Variants in LGALS8 observed in about 807,000 individuals in gnomAD.
The protein encoded by LGALS8 is galectin 8.
A neutral mutation model predicts 35.9 loss-of-function variants in LGALS8; 30 were observed. That is an observed-to-expected ratio of 0.83 (90% CI 0.62 to 1.13). LGALS8 has a LOEUF of 1.13. Among genes scored for constraint, LGALS8 ranks in the 50% most tolerant of loss-of-function variants. The pLI is 0.00. For missense variants in LGALS8, 366 were observed against 388.7 expected (o/e 0.94, Z 0.49); for synonymous variants, 138 against 136.1 (o/e 1.01, Z -0.10).
At chr1:236,519,650 C>A (rs1338517260), upstream of LGALS8, among the ~76,000 whole-genome samples, 1 of 152,238 alleles carries the variant, frequency 6.6e-6, no homozygotes, top group Non-Finnish European at 1.5e-5. Context: ...GGATCATTCA[C>A]ATGAGTAAAG....
At chr1:236,532,182 C>T (rs1229921000) in intron 2 of LGALS8, among the ~76,000 whole-genome samples, 3 of 152,160 alleles carry the variant, frequency 2.0e-5, no homozygotes, top group African/African-American at 7.2e-5. Flanking sequence ...AGGAAATCCC[C>T]GTTACCAGTT....
chr1:236,548,457 T>A lies in LGALS8; in HGVS notation c.*296T>A. The stretch of plus-strand genomic sequence containing the variant: ...ACAAGTATTTATGGAGTACCTACTA[T>A]AATACAGTAGCTAACATGTATTGAG... On this transcript the variant is annotated 3_prime_UTR_variant, in exon 10 of 10. Coordinates refer to ENST00000366584, the MANE Select transcript of LGALS8 (RefSeq NM_201544.4). 1 of 381,512 alleles carries A rather than the reference T, an allele frequency of 2.6e-6. No individual in the cohort carries two copies. Among genetic ancestry groups the A allele is most frequent in the Non-Finnish European group, 4.8e-6 (1 of 209,694 alleles). The allele number at this position is 381,512 out of a possible 1,614,324, so 23.6% of individuals were successfully genotyped here.
chr1:236,547,939 A>C, intron 9 of LGALS8, 73 bp from the exon 10 acceptor site: 2 of 1,302,524 alleles, frequency 1.5e-6, no homozygotes, highest in Non-Finnish European at 2.2e-6. Flanking sequence ...TTACTCTGAC[A>C]CCGTTAGCAT....
chr1:236,544,087 C>T (rs1304063010), intron 8 of LGALS8, among the ~76,000 whole-genome samples: 1 of 152,064 alleles, frequency 6.6e-6, no homozygotes, highest in East Asian at 1.9e-4. Context: ...GCTGGGATTA[C>T]AGGCGCACCA....
intron 9 of LGALS8, 58 bp downstream of exon 9, chr1:236,544,973 G>A: frequency 1.5e-6 from 2 of 1,351,572 alleles, no homozygotes; most frequent in South Asian, 1.4e-5. Flanking sequence ...GCAGGGGTGG[G>A]ATAAGTGGTC....
Position 236,539,012 on chromosome 1 carries a change from G to C in LGALS8, c.268G>C (p.Glu90Gln). Reference sequence around the variant, plus strand: ...GATAAATGAAAAATGGGGACGGGAAGAGATCACCTATGACACGCCTTTCAA... The same window carrying C: ...GATAAATGAAAAATGGGGACGGGAACAGATCACCTATGACACGCCTTTCAA... Reference protein sequence around the residue: ...TLINEKWGREEITYDTPFKRE... With the variant: ...TLINEKWGREQITYDTPFKRE... Residue 90 changes from glutamate (E) to glutamine (Q), a missense_variant, in exon 4 of 10, where the codon GAG becomes CAG. Transcript: ENST00000366584. 1.2e-6 allele frequency: 2 copies of C among 1,614,224 alleles called. No individual in the cohort carries two copies. Among genetic ancestry groups the C allele is most frequent in the South Asian group, 2.2e-5 (2 of 91,084 alleles).
At chr1:236,535,688 G>GC (rs1661444857) in intron 2 of LGALS8, among the ~76,000 whole-genome samples, 1 of 152,174 alleles carries the variant, frequency 6.6e-6, no homozygotes, top group Admixed American at 6.5e-5. Context: ...TGCAGCTGTA[G>GC]CCCCAGTCTA....
At chr1:236,540,995 G>A (rs1481426622) in intron 5 of LGALS8, among the ~76,000 whole-genome samples, 1 of 152,190 alleles carries the variant, frequency 6.6e-6, no homozygotes, top group Admixed American at 6.5e-5. Context: ...GGCTGGGAGT[G>A]CCTGAGTCAA....
intron 9 of LGALS8, among the ~76,000 whole-genome samples, chr1:236,546,202 G>T (rs372410390): frequency 6.6e-6 from 1 of 152,210 alleles, no homozygotes; most frequent in East Asian, 1.9e-4. Flanking sequence ...TGCAGAGACA[G>T]TGAAAGGGAT....
At chr1:236,545,103 A>T (rs1230586131) in intron 9 of LGALS8, 188 bp downstream of exon 9, 2 of 467,264 alleles carry the variant, frequency 4.3e-6, no homozygotes, top group African/African-American at 3.9e-5. Context: ...AAGCCAGTAG[A>T]GTGTCAAATT....
In LGALS8 at chr1:236,549,177, C is replaced by A; in HGVS notation, c.*1016C>A. 1 of 393,486 alleles carries A rather than the reference C, an allele frequency of 2.5e-6. No individual in the cohort carries two copies. The highest frequency in any genetic ancestry group is 4.5e-6 in the Non-Finnish European group (1 of 223,268). The allele number at this position is 393,486 out of a possible 1,614,324, so 24.4% of individuals were successfully genotyped here. On this transcript the variant is annotated 3_prime_UTR_variant, in exon 10 of 10. Coordinates refer to ENST00000366584, the MANE Select transcript of LGALS8 (RefSeq NM_201544.4). ...GAAATCACCAATCAAGGCCTCCGTT[C>A]TTCTAAAGATTAGTCCATCATCATT...
chr1:236,520,959 C>A (rs1660532130), upstream of LGALS8, among the ~76,000 whole-genome samples: 1 of 152,174 alleles, frequency 6.6e-6, no homozygotes, highest in Non-Finnish European at 1.5e-5. Context: ...TTTCACTCAC[C>A]AGCAGCTTAA....
chr1:236,526,267 C>T lies in LGALS8; in HGVS notation c.45+152C>T, dbSNP rs1558154591. 3 of 544,490 alleles carry T rather than the reference C, an allele frequency of 5.5e-6. No individual in the cohort carries two copies. The highest frequency in any genetic ancestry group is 2.9e-5 in the East Asian group (1 of 34,828). 33.7% of individuals were successfully genotyped at this position (544,490 alleles called of 1,614,324 possible). On this transcript the variant is annotated intron_variant, in intron 2 of 9. Coordinates refer to ENST00000366584, the MANE Select transcript of LGALS8 (RefSeq NM_201544.4). The surrounding 1 kb of genome is among the most constrained non-coding windows in gnomAD (Gnocchi z 4.6). ...TAGAGATGGTGGTGGGTGCTGATTA[C>T]AAAACAGCTCTTGTCCTCTAGTGGA...
chr1:236,543,210 G>GT (rs1160154779), intron 7 of LGALS8: 10 of 656,804 alleles, frequency 1.5e-5, no homozygotes, highest in South Asian at 1.5e-4. Flanking sequence ...CCATTCCTGT[G>GT]TATTTCCTCA....
At chr1:236,546,467 G>A (rs1316449657) in intron 9 of LGALS8, among the ~76,000 whole-genome samples, 1 of 151,982 alleles carries the variant, frequency 6.6e-6, no homozygotes, top group Admixed American at 6.6e-5. Flanking sequence ...CACTTTAGTT[G>A]TATCTACAGT....
intron 6 of LGALS8, chr1:236,542,496 T>C (rs763856604): frequency 1.9e-6 from 1 of 519,510 alleles, no homozygotes; most frequent in South Asian, 2.6e-5. Context: ...AAATTTCATA[T>C]AGTTCTATGA....
rs77856957 is a variant in LGALS8, at chr1:236,549,021, T to C, written c.*860T>C. The C allele has an allele frequency of 3.3e-3, 1,307 of 398,550 alleles. 26 individuals carry two copies. Among genetic ancestry groups the C allele is most frequent in the African/African-American group, 0.025 (1,234 of 48,714 alleles). 24.7% of individuals were successfully genotyped at this position (398,550 alleles called of 1,614,324 possible). A position where few individuals can be genotyped will look rare whatever the true frequency, so the allele number is the denominator to read the frequency against. On this transcript the variant is annotated 3_prime_UTR_variant, in exon 10 of 10. Transcript: ENST00000366584. ...CAAGATGCATTCAATTTGAAAGATA[T>C]TTATGGGCAACAAAGTAAGGTCAGG...
intron 1 of LGALS8, chr1:236,524,492 C>T (rs757747054): frequency 2.2e-6 from 1 of 450,880 alleles, no homozygotes; most frequent in Non-Finnish European, 4.5e-6. Flanking sequence ...AGTGGAGTGA[C>T]CTCCATTGCG....
chr1:236,540,503 T>G, intron 4 of LGALS8, 61 bp from the exon 5 acceptor site: 2 of 1,456,910 alleles, frequency 1.4e-6, no homozygotes, highest in Non-Finnish European at 1.8e-6. Flanking sequence ...GGATAATAAG[T>G]TAATTTATTA....
Sources: allele counts gnomAD v4.1 joint callset (sites outside exome capture counted in the v4.1 genomes callset), GRCh38; gene constraint gnomAD v4.1.1; non-coding constraint Gnocchi (gnomAD v3.1); transcripts MANE v1.5; gene names NCBI Gene and HGNC (gene_info 2026-07-23, HGNC 2026-07-21).